WDR70: variants seen among roughly 807,000 people sequenced by gnomAD.
WDR70 encodes the protein WD repeat domain 70, also known as WD repeat-containing protein 70.
In WDR70, 53 loss-of-function variants were observed where a neutral mutation model predicts 88.6. That is an observed-to-expected ratio of 0.60 (90% CI 0.48 to 0.75). The LOEUF is 0.75. Ranked by LOEUF, WDR70 falls within the 30% of genes least tolerant of loss-of-function variation. The pLI is 0.00. For synonymous variants in WDR70, 280 were observed against 270.0 expected (o/e 1.04, Z -0.36); for missense variants, 610 against 823.2 (o/e 0.74, Z 3.17).
At chr5:37,748,928 A>C (rs1369783240) in intron 17 of WDR70, among the ~76,000 whole-genome samples, 3 of 152,240 alleles carry the variant, frequency 2.0e-5, no homozygotes, top group African/African-American at 7.2e-5. Flanking sequence ...CGCCAGTGAG[A>C]ATGGTGATTA....
In WDR70 at chr5:37,479,897, C is replaced by T. The variant is rs1470930556; in HGVS notation, c.750C>T (p.Ser250=). The change falls in exon 8 of 18, where the codon AGC becomes AGT. Residue 250 remains serine (S), a synonymous_variant. Coordinates refer to ENST00000265107, the MANE Select transcript of WDR70 (RefSeq NM_018034.4). ...TGDMILVVSG[S]SQAKVIDRDG... is the part of the protein sequence containing the mutation. ...ACATGATTCTTGTTGTATCTGGAAG[C>T]TCTCAGGCCAAGGTGATTGACAGAG... is the stretch of plus-strand genomic sequence containing the variant. 6.2e-7 allele frequency: 1 copy of T among 1,614,088 alleles called. No homozygotes were observed. Among genetic ancestry groups the T allele is most frequent in the Non-Finnish European group, 8.5e-7 (1 of 1,179,992 alleles).
At chr5:37,417,822 T>C (rs1749809270) in intron 5 of WDR70, among the ~76,000 whole-genome samples, 1 of 152,186 alleles carries the variant, frequency 6.6e-6, no homozygotes, top group Non-Finnish European at 1.5e-5. Context: ...CCTGGGATTA[T>C]AGACATGAAC....
chr5:37,487,621 A>ATTTTTTTTTTTTTTTTTTT (rs1561871968), intron 8 of WDR70, among the ~76,000 whole-genome samples: 1 of 37,692 alleles, frequency 2.7e-5, no homozygotes, highest in African/African-American at 7.3e-5. Context: ...ATATATATAT[A>ATTTTTTTTTTTTTTTTTTT]TATGTATTTT....
intron 9 of WDR70, among the ~76,000 whole-genome samples, chr5:37,535,928 C>T (rs1316552080): frequency 7.2e-5 from 11 of 152,142 alleles, no homozygotes; most frequent in East Asian, 1.9e-4. Context: ...TTGTCACAAA[C>T]GTGATGATGA....
intron 10 of WDR70, chr5:37,620,151 T>A (rs1187655839): frequency 1.1e-4 from 16 of 152,310 alleles, no homozygotes; most frequent in Middle Eastern, 3.4e-3. Context: ...AACAAAGTAA[T>A]GCAAGGATCA....
At chr5:37,392,161 T>A (rs572561750) in intron 4 of WDR70, 41 bp downstream of exon 4, 1 of 1,571,646 alleles carries the variant, frequency 6.4e-7, no homozygotes, top group South Asian at 1.2e-5. Flanking sequence ...ACTATCAGTT[T>A]CTAGGTGTTT....
chr5:37,514,339 CATATATATAT>C lies in WDR70; in HGVS notation c.841-2164_841-2155del, dbSNP rs70978826. Among the ~76,000 whole-genome samples the C allele has an allele frequency of 5.1e-3, 146 of 28,752 alleles. 15 individuals carry two copies. Among genetic ancestry groups the C allele is most frequent in the Non-Finnish European group, 0.017 (121 of 7,278 alleles). 18.9% of individuals were successfully genotyped at this position (28,752 alleles called of 152,430 possible). ...CGACATTATGGCATATTTAGAACTACATATATATATATATATATATGTATGTATGTATGTT... is the reference window on the plus strand; with the variant it reads ...CGACATTATGGCATATTTAGAACTACATATATATATGTATGTATGTATGTT... On this transcript the variant is annotated intron_variant, in intron 8 of 17. Transcript: ENST00000265107.
intron 7 of WDR70, among the ~76,000 whole-genome samples, chr5:37,444,634 C>T (rs187213574): frequency 7.8e-4 from 118 of 152,184 alleles, no homozygotes; most frequent in African/African-American, 2.7e-3. Context: ...TGAGCCACCG[C>T]GCCTGGCCCA....
chr5:37,460,758 A>G (rs1308614717), intron 7 of WDR70, among the ~76,000 whole-genome samples: 1 of 151,802 alleles, frequency 6.6e-6, no homozygotes, highest in Non-Finnish European at 1.5e-5. Context: ...TGAGTTGCAT[A>G]GGAAGTTTTT....
intron 5 of WDR70, among the ~76,000 whole-genome samples, chr5:37,435,540 C>T (rs1750441028): frequency 6.6e-6 from 1 of 152,068 alleles, no homozygotes; most frequent in Non-Finnish European, 1.5e-5. Flanking sequence ...GTAAACAAAA[C>T]AGTAATGTCT....
chr5:37,424,566 G>A (rs936362798), intron 5 of WDR70, among the ~76,000 whole-genome samples: 8 of 151,362 alleles, frequency 5.3e-5, no homozygotes, highest in Non-Finnish European at 7.4e-5. Context: ...CACCATGCCC[G>A]GCTAATTTTT....
chr5:37,617,400 G>A (rs1040939330), intron 10 of WDR70, among the ~76,000 whole-genome samples: 8 of 152,158 alleles, frequency 5.3e-5, no homozygotes, highest in African/African-American at 1.9e-4. Flanking sequence ...CTTAAAATGG[G>A]TGAATTTTAT....
At chr5:37,548,745 A>G (rs1488537886) in intron 9 of WDR70, among the ~76,000 whole-genome samples, 1 of 152,120 alleles carries the variant, frequency 6.6e-6, no homozygotes, top group Non-Finnish European at 1.5e-5. Context: ...AGTTTCCCTA[A>G]TGTTTTCTCG....
At chr5:37,699,876 G>A (rs549816021) in intron 11 of WDR70, among the ~76,000 whole-genome samples, 1 of 151,978 alleles carries the variant, frequency 6.6e-6, no homozygotes, top group South Asian at 2.1e-4. Flanking sequence ...TGAACCTGGA[G>A]GCTGAGGTTA....
intron 8 of WDR70, among the ~76,000 whole-genome samples, chr5:37,514,674 CTA>C (rs1740833443): frequency 6.6e-6 from 1 of 151,828 alleles, no homozygotes; most frequent in Admixed American, 6.6e-5. Flanking sequence ...TACGTTAGAA[CTA>C]TATTTTTAAG....
intron 13 of WDR70, among the ~76,000 whole-genome samples, chr5:37,715,699 T>G (rs1747634085): frequency 6.6e-6 from 1 of 152,168 alleles, no homozygotes; most frequent in African/African-American, 2.4e-5. Flanking sequence ...CCTGGAAAAG[T>G]TGAAACAATT....
intron 6 of WDR70, among the ~76,000 whole-genome samples, chr5:37,439,179 A>G (rs571634729): frequency 6.5e-4 from 99 of 152,138 alleles, no homozygotes; most frequent in African/African-American, 2.2e-3. Context: ...CGGCCTCCCA[A>G]AGTGCTGGGA....
intron 15 of WDR70, chr5:37,723,415 A>G (rs1451083111): frequency 6.5e-6 from 1 of 153,262 alleles, no homozygotes; most frequent in Non-Finnish European, 1.5e-5. Context: ...AGGAATTTGT[A>G]TATAAAATTA....
intron 10 of WDR70, among the ~76,000 whole-genome samples, chr5:37,680,493 T>C (rs1746393610): frequency 6.6e-6 from 1 of 152,214 alleles, no homozygotes; most frequent in Non-Finnish European, 1.5e-5. Context: ...TCCTGAATCA[T>C]GTTGCCTAGG....
Sources: allele counts gnomAD v4.1 joint callset (sites outside exome capture counted in the v4.1 genomes callset), GRCh38; gene constraint gnomAD v4.1.1; transcripts MANE v1.5; gene names NCBI Gene and HGNC (gene_info 2026-07-23, HGNC 2026-07-21).